The following ITPR2 variants were observed in gnomAD, a reference collection of about 807,000 sequenced individuals.
ITPR2 encodes inositol 1,4,5-trisphosphate-gated calcium channel ITPR2.
In ITPR2, 207 loss-of-function variants were observed where a neutral mutation model predicts 317.1. The ratio of observed to expected loss-of-function variants is 0.65; its 90% confidence interval spans 0.58 to 0.73. The LOEUF (loss-of-function observed/expected upper bound fraction) is 0.73, where lower values mean the gene tolerates loss of function less well. ITPR2 is among the 30% of genes least tolerant of loss of function. The pLI is 0.00. For synonymous variants in ITPR2, 1,156 were observed against 1,149.1 expected, an observed-to-expected ratio of 1.01 and a Z score of -0.12; for missense variants, 2,613 against 3,284.0, an observed-to-expected ratio of 0.80 and a Z score of 4.99.
chr12:26,536,727 G>C (rs113470559), intron 37 of ITPR2, among the ~76,000 whole-genome samples: 10,771 of 152,304 alleles, frequency 0.071, 509 homozygotes, highest in East Asian at 0.15. Flanking sequence ...CACCAGGCCA[G>C]TGTTGGCTAC....
At chr12:26,563,864 T>C (rs1300553491) in intron 34 of ITPR2, among the ~76,000 whole-genome samples, 1 of 152,190 alleles carries the variant, frequency 6.6e-6, no homozygotes, top group Non-Finnish European at 1.5e-5. Flanking sequence ...TGGAAACCTA[T>C]GCCAGTCATT....
intron 30 of ITPR2, among the ~76,000 whole-genome samples, chr12:26,597,390 A>C (rs1945873967): frequency 6.6e-6 from 1 of 152,248 alleles, no homozygotes; most frequent in Admixed American, 6.5e-5. Context: ...AACATGGATG[A>C]AAGTAAATTG....
Position 26,463,763 on chromosome 12 carries a change from C to T in ITPR2, c.6342+11533G>A, listed in dbSNP as rs528523817. Among the ~76,000 whole-genome samples the T allele has an allele frequency of 1.5e-3, 233 of 152,170 alleles. 2 individuals carry two copies. Among genetic ancestry groups the T allele is most frequent in the African/African-American group, 5.4e-3 (225 of 41,492 alleles). On this transcript the variant is annotated intron_variant, in intron 45 of 56. Transcript: ENST00000381340. ...CAGAAATGTATACTATATCACATTT[C>T]AATAAATATTTATACGTAATTAGTC...
intron 21 of ITPR2, among the ~76,000 whole-genome samples, chr12:26,638,682 G>A (rs567219024): frequency 3.9e-5 from 6 of 152,230 alleles, no homozygotes; most frequent in South Asian, 4.1e-4. Flanking sequence ...CAGTATTTTC[G>A]TCATTGACTT....
intron 32 of ITPR2, among the ~76,000 whole-genome samples, chr12:26,590,403 G>A (rs34276627): frequency 0.12 from 18,617 of 152,102 alleles, 1,586 homozygotes; most frequent in Admixed American, 0.19. Flanking sequence ...TTGATAGCAA[G>A]GTTCTGGCAT....
chr12:26,823,252 A>G (rs1950965396), intron 1 of ITPR2, among the ~76,000 whole-genome samples: 1 of 152,216 alleles, frequency 6.6e-6, no homozygotes, highest in African/African-American at 2.4e-5. Flanking sequence ...AATTGCACAA[A>G]TATTTATTAA....
In ITPR2 at chr12:26,488,168, A is replaced by T. The variant is rs141249381; in HGVS notation, c.5371-917T>A. On this transcript the variant is annotated intron_variant, in intron 39 of 56. Coordinates refer to ENST00000381340, the MANE Select transcript of ITPR2 (RefSeq NM_002223.4). ...AACTTATTACTACCAAGATTATGAGATAGATACAAGACAAACAAGATAAAT... is the reference window on the plus strand; with the variant it reads ...AACTTATTACTACCAAGATTATGAGTTAGATACAAGACAAACAAGATAAAT... 2.8e-3 allele frequency among the ~76,000 whole-genome samples: 422 copies of T among 152,312 alleles called. 4 individuals carry two copies. Among genetic ancestry groups the T allele is most frequent in the East Asian group, 0.011 (57 of 5,188 alleles).
At chr12:26,353,993 G>C (rs977534482) in intron 55 of ITPR2, among the ~76,000 whole-genome samples, 2 of 152,166 alleles carry the variant, frequency 1.3e-5, no homozygotes. Context: ...ACTGTTTTGG[G>C]CCAGGTGCAG....
At position 26,534,557 on chromosome 12, in the gene ITPR2, C is replaced by T. The variant is rs79579809; in HGVS notation, c.5073+15690G>A. Among the ~76,000 whole-genome samples, 1,454 of 152,104 alleles carry T rather than the reference C, an allele frequency of 9.6e-3. 25 individuals are homozygous for T. The highest frequency in any genetic ancestry group is 0.034 in the African/African-American group (1,396 of 41,476). On this transcript the variant is annotated intron_variant, in intron 37 of 56. Coordinates refer to ENST00000381340, the MANE Select transcript of ITPR2 (RefSeq NM_002223.4). ...CAATTTATTAACTCTCATTTAACAA[C>T]GGAGTATTCTCACTTCAAAAAAATA... is the stretch of plus-strand genomic sequence containing the variant.
At chr12:26,558,713 C>T (rs1312893966) in intron 35 of ITPR2, among the ~76,000 whole-genome samples, 1 of 152,224 alleles carries the variant, frequency 6.6e-6, no homozygotes, top group East Asian at 1.9e-4. Flanking sequence ...CGAGAAATCT[C>T]ATCCAATTCT....
chr12:26,831,952 G>C lies in ITPR2; in HGVS notation c.92+738C>G, dbSNP rs969072593. Among the ~76,000 whole-genome samples, 2 of 149,302 alleles carry C rather than the reference G, an allele frequency of 1.3e-5. No individual in the cohort carries two copies. The highest frequency in any genetic ancestry group is 4.2e-4 in the South Asian group (2 of 4,754). ...ATATATTTTTCCCCCCATTCAACTCGAATCTCAAGAACTCTTCACTTGGCT... is the reference window on the plus strand; with the variant it reads ...ATATATTTTTCCCCCCATTCAACTCCAATCTCAAGAACTCTTCACTTGGCT... On this transcript the variant is annotated intron_variant, in intron 1 of 56. Transcript: ENST00000381340. The surrounding 1 kb of genome is among the most constrained non-coding windows in gnomAD (Gnocchi z 4.9).
intron 26 of ITPR2, among the ~76,000 whole-genome samples, chr12:26,612,376 T>C (rs1160695598): frequency 6.6e-6 from 1 of 152,180 alleles, no homozygotes; most frequent in African/African-American, 2.4e-5. Flanking sequence ...CTTTGTAAGA[T>C]TTACTAAACA....
intron 52 of ITPR2, among the ~76,000 whole-genome samples, chr12:26,405,484 A>G (rs1484898285): frequency 6.6e-6 from 1 of 152,242 alleles, no homozygotes; most frequent in East Asian, 1.9e-4. Context: ...TTATAATGCA[A>G]ATAAAATGTT....
At chr12:26,491,379 A>G (rs1223760359) in intron 39 of ITPR2, among the ~76,000 whole-genome samples, 2 of 144,006 alleles carry the variant, frequency 1.4e-5, no homozygotes, top group African/African-American at 5.1e-5. Flanking sequence ...GCTACTCGGG[A>G]GGCTGAGGAA....
intron 39 of ITPR2, among the ~76,000 whole-genome samples, chr12:26,492,603 A>G (rs1942833698): frequency 1.3e-5 from 2 of 152,212 alleles, no homozygotes; most frequent in South Asian, 4.1e-4. Flanking sequence ...TCATGTTTAT[A>G]TATCACATTT....
intron 21 of ITPR2, among the ~76,000 whole-genome samples, chr12:26,640,388 A>C (rs900470018): frequency 2.6e-5 from 4 of 152,174 alleles, no homozygotes; most frequent in Non-Finnish European, 5.9e-5. Flanking sequence ...TTAAAAAAAA[A>C]CATATACTTA....
chr12:26,368,631 TCTAG>T (rs1262051822), intron 55 of ITPR2, among the ~76,000 whole-genome samples: 3 of 152,228 alleles, frequency 2.0e-5, no homozygotes, highest in African/African-American at 7.2e-5. Context: ...ACATTTTTAC[TCTAG>T]CTATCACTTG....
rs144767999 is a variant in ITPR2 at position 26,495,468 on chromosome 12, T to C, written c.5074-208A>G. ...TGCTTCTCATAATAAATAAAGAGGG[T>C]GGGAGAAGCTTTTTGGAGGTGACGA... On this transcript the variant is annotated intron_variant, in intron 37 of 56. Coordinates refer to ENST00000381340, the MANE Select transcript of ITPR2 (RefSeq NM_002223.4). 5.6e-4 allele frequency: 272 copies of C among 481,624 alleles called. 1 individual carries two copies. The highest frequency in any genetic ancestry group is 4.6e-3 in the African/African-American group (234 of 51,168). The allele number at this position is 481,624 out of a possible 1,614,324, so 29.8% of individuals were successfully genotyped here.
chr12:26,397,867 T>C (rs555271655), intron 54 of ITPR2, among the ~76,000 whole-genome samples: 8 of 151,646 alleles, frequency 5.3e-5, no homozygotes, highest in Non-Finnish European at 1.0e-4. Flanking sequence ...AAACCTAGAG[T>C]GGGTGATCAC....
Sources: gnomAD v4.1 joint callset for allele counts (sites outside exome capture counted in the v4.1 genomes callset) on GRCh38, gnomAD v4.1.1 for gene constraint, Gnocchi (gnomAD v3.1) non-coding constraint, MANE v1.5 for transcripts, NCBI Gene and HGNC (gene_info 2026-07-23, HGNC 2026-07-21) for gene names.